The following SPAG16 variants were observed in gnomAD, a reference collection of about 807,000 sequenced individuals.
The protein encoded by SPAG16 is sperm associated antigen 16.
In SPAG16, 86 loss-of-function variants were observed where a neutral mutation model predicts 80.4. The observed-to-expected ratio is 1.07, with a 90% CI of 0.90 to 1.28. The LOEUF (loss-of-function observed/expected upper bound fraction) is 1.28, where lower values mean the gene tolerates loss of function less well. Among genes scored for constraint, SPAG16 ranks in the 50% most tolerant of loss-of-function variants. The probability of loss-of-function intolerance (pLI) is 0.00; values close to 1 mark genes in which losing one functional copy is unlikely to be tolerated. For missense variants in SPAG16, 870 were observed against 765.3 expected (o/e 1.14, Z -1.61); for synonymous variants, 294 against 265.9 (o/e 1.11, Z -1.03).
At chr2:214,333,442 C>A (rs1195093965) in intron 15 of SPAG16, among the ~76,000 whole-genome samples, 1 of 152,200 alleles carries the variant, frequency 6.6e-6, no homozygotes, top group Admixed American at 6.5e-5. Flanking sequence ...AGTCTAATAT[C>A]ATCACCCACT....
At chr2:213,837,067 G>A (rs1010279032) in intron 10 of SPAG16, among the ~76,000 whole-genome samples, 5 of 151,746 alleles carry the variant, frequency 3.3e-5, no homozygotes, top group Admixed American at 1.3e-4. Context: ...TTTTAATTCC[G>A]CCTGCTCTTG....
intron 8 of SPAG16, among the ~76,000 whole-genome samples, chr2:213,366,242 G>A (rs1575382699): frequency 6.6e-6 from 1 of 151,542 alleles, no homozygotes; most frequent in Admixed American, 6.6e-5. Flanking sequence ...TGAAAATGGA[G>A]CATAAAAATA....
intron 15 of SPAG16, among the ~76,000 whole-genome samples, chr2:214,233,893 T>G (rs1688883998): frequency 6.6e-6 from 1 of 152,090 alleles, no homozygotes; most frequent in Non-Finnish European, 1.5e-5. Flanking sequence ...GTTTTTTTAA[T>G]TATTTTGAGT....
chr2:213,966,613 C>A (rs1478664923), intron 12 of SPAG16, among the ~76,000 whole-genome samples: 2 of 152,144 alleles, frequency 1.3e-5, no homozygotes, highest in Non-Finnish European at 2.9e-5. Context: ...CTTGTATTTT[C>A]TTTGACACAT....
intron 13 of SPAG16, among the ~76,000 whole-genome samples, chr2:214,081,821 C>T (rs867842876): frequency 2.2e-4 from 33 of 147,312 alleles, no homozygotes; most frequent in South Asian, 2.2e-4. Context: ...TTTTAGTGCT[C>T]TCTCCTACTC....
chr2:213,743,572 C>A (rs2067681698), intron 10 of SPAG16, among the ~76,000 whole-genome samples: 1 of 152,148 alleles, frequency 6.6e-6, no homozygotes, highest in South Asian at 2.1e-4. Context: ...GATATTAATT[C>A]TCTGACACCT....
intron 9 of SPAG16, among the ~76,000 whole-genome samples, chr2:213,463,360 A>C (rs543275070): frequency 6.6e-6 from 1 of 152,386 alleles, no homozygotes; most frequent in East Asian, 1.9e-4. Context: ...CTGAATGTTA[A>C]TCACCAAGAC....
chr2:214,389,030 C>A (rs1008633581), intron 15 of SPAG16, among the ~76,000 whole-genome samples: 2 of 152,222 alleles, frequency 1.3e-5, no homozygotes, highest in Middle Eastern at 3.4e-3. Flanking sequence ...CACTGTATCA[C>A]CCTGAAATCA....
At chr2:213,967,167 A>C (rs2044751372) in intron 12 of SPAG16, among the ~76,000 whole-genome samples, 1 of 152,162 alleles carries the variant, frequency 6.6e-6, no homozygotes, top group East Asian at 1.9e-4. Context: ...AGTTATTGTT[A>C]TTTACATTCC....
intron 3 of SPAG16, 71 bp from the exon 4 acceptor site, chr2:213,309,988 G>A (rs184375191): frequency 1.6e-5 from 15 of 947,550 alleles, no homozygotes; most frequent in East Asian, 7.7e-5. Flanking sequence ...TGAATGAGTC[G>A]AAGGCTTATC....
chr2:214,096,766 C>T (rs1186139914), intron 13 of SPAG16, among the ~76,000 whole-genome samples: 2 of 152,158 alleles, frequency 1.3e-5, no homozygotes, highest in African/African-American at 2.4e-5. Flanking sequence ...GCATATTTAA[C>T]TCATCTTAAT....
intron 15 of SPAG16, among the ~76,000 whole-genome samples, chr2:214,304,015 C>G (rs1310913077): frequency 2.0e-5 from 3 of 152,190 alleles, no homozygotes; most frequent in Admixed American, 6.5e-5. Flanking sequence ...CTCCCACCCT[C>G]CACCTTCCAG....
intron 15 of SPAG16, among the ~76,000 whole-genome samples, chr2:214,189,291 C>A (rs1485296875): frequency 6.6e-6 from 1 of 151,698 alleles, no homozygotes; most frequent in African/African-American, 2.4e-5. Flanking sequence ...CTTTTGAGAA[C>A]AGAAGACTAA....
chr2:213,369,143 A>C (rs2125161906), intron 8 of SPAG16, among the ~76,000 whole-genome samples: 1 of 152,306 alleles, frequency 6.6e-6, no homozygotes, highest in South Asian at 2.1e-4. Context: ...ATTTAGATAA[A>C]ATGTAGACAT....
At chr2:213,693,762 T>A (rs780346545) in intron 10 of SPAG16, among the ~76,000 whole-genome samples, 1 of 152,140 alleles carries the variant, frequency 6.6e-6, no homozygotes, top group Non-Finnish European at 1.5e-5. Flanking sequence ...TAGTGTGAAG[T>A]CAAGTAGTTG....
intron 13 of SPAG16, among the ~76,000 whole-genome samples, chr2:214,080,010 T>C (rs1046254577): frequency 4.6e-5 from 7 of 152,214 alleles, no homozygotes. Context: ...ATGTGGACAA[T>C]TTACTTAACC....
chr2:213,485,742 A>G (rs537547453), intron 9 of SPAG16, among the ~76,000 whole-genome samples: 1 of 152,196 alleles, frequency 6.6e-6, no homozygotes, highest in East Asian at 1.9e-4. Context: ...GTTTGGGGCA[A>G]TTCCTGTGAA....
chr2:214,057,846 A>T (rs2050027129), intron 13 of SPAG16, among the ~76,000 whole-genome samples: 1 of 152,098 alleles, frequency 6.6e-6, no homozygotes. Flanking sequence ...TTCACCTTGC[A>T]CTTTATGTTA....
intron 10 of SPAG16, among the ~76,000 whole-genome samples, chr2:213,724,824 A>C (rs2066692600): frequency 6.8e-6 from 1 of 146,952 alleles, no homozygotes; most frequent in Non-Finnish European, 1.5e-5. Flanking sequence ...AACTAAGTTT[A>C]ATTGATGAGT....
Sources: allele counts gnomAD v4.1 joint callset (sites outside exome capture counted in the v4.1 genomes callset), GRCh38; gene constraint gnomAD v4.1.1; transcripts MANE v1.5; gene names NCBI Gene and HGNC (gene_info 2026-07-23, HGNC 2026-07-21).